Variants in STYK1 observed in about 807,000 individuals in gnomAD.
STYK1 encodes STY kinase 1.
In STYK1, 46 loss-of-function variants were observed where a neutral mutation model predicts 48.1. The ratio of observed to expected loss-of-function variants is 0.96; its 90% CI spans 0.75 to 1.22. The LOEUF (loss-of-function observed/expected upper bound fraction) is 1.22, where lower values mean the gene tolerates loss of function less well. Ranked by LOEUF, STYK1 falls within the 50% of genes most tolerant of loss-of-function variation. The probability of loss-of-function intolerance (pLI) is 0.00; values close to 1 mark genes in which losing one functional copy is unlikely to be tolerated. For synonymous variants in STYK1, 188 were observed against 189.0 expected (o/e 0.99, Z 0.04); for missense variants, 527 against 521.1 (o/e 1.01, Z -0.11).
At chr12:10,640,448 G>T (rs541085179) in intron 1 of STYK1, among the ~76,000 whole-genome samples, 3 of 152,118 alleles carry the variant, frequency 2.0e-5, no homozygotes, top group African/African-American at 7.2e-5. Context: ...CAGGGAGGAG[G>T]TTATCTAAGA....
intron 1 of STYK1, among the ~76,000 whole-genome samples, chr12:10,665,268 A>G (rs961787872): frequency 6.6e-6 from 1 of 152,242 alleles, no homozygotes; most frequent in African/African-American, 2.4e-5. Context: ...AAATGTAAGA[A>G]CAGCAACCCT....
rs772165445 is a variant in STYK1 at position 10,634,601 on chromosome 12, C to A, written c.18G>T (p.Met6Ile). Residue 6 changes from methionine to isoleucine, a missense_variant, in exon 3 of 11, where the codon ATG (methionine) becomes ATT (isoleucine). Physicochemically the swap from Met to Ile is conservative, Grantham distance 10. Transcript: ENST00000075503. ...TGTCACTGAGACTGCATTCCAGGAGCATCCGTGTCATGCCCATTGCCACAG... is the reference window on the plus strand; with the variant it reads ...TGTCACTGAGACTGCATTCCAGGAGAATCCGTGTCATGCCCATTGCCACAG... The part of the protein sequence containing the change: MGMTR[M>I]LLECSLSDKL... The A allele has an allele frequency of 2.5e-6, 4 of 1,614,172 alleles. No individual in the cohort carries two copies. The highest frequency in any genetic ancestry group is 1.7e-5 in the Admixed American group (1 of 60,022).
chr12:10,657,637 G>A (rs1947732999), intron 1 of STYK1, among the ~76,000 whole-genome samples: 1 of 152,112 alleles, frequency 6.6e-6, no homozygotes, highest in Non-Finnish European at 1.5e-5. Context: ...AAATTGTTTG[G>A]TATACCTGCT....
intron 1 of STYK1, among the ~76,000 whole-genome samples, chr12:10,658,862 T>C (rs1182159495): frequency 6.6e-6 from 1 of 152,202 alleles, no homozygotes; most frequent in Non-Finnish European, 1.5e-5. Flanking sequence ...ATAATATTAT[T>C]GTGTGCCACA....
intron 2 of STYK1, 34 bp from the exon 3 acceptor site, chr12:10,634,720 T>A: frequency 2.9e-6 from 4 of 1,359,666 alleles, no homozygotes; most frequent in Admixed American, 2.0e-5. Flanking sequence ...AAAAATAAAA[T>A]GAATGAAAAA....
intron 1 of STYK1, among the ~76,000 whole-genome samples, chr12:10,643,539 A>T (rs4763570): frequency 0.95 from 144,312 of 152,268 alleles, 68,849 homozygotes; most frequent in East Asian, 1. Flanking sequence ...CCAGCCTTAT[A>T]CCAAGTCATT....
intron 1 of STYK1, among the ~76,000 whole-genome samples, chr12:10,661,968 AT>A (rs1363228485): frequency 1.3e-5 from 2 of 152,168 alleles, no homozygotes; most frequent in Non-Finnish European, 2.9e-5. Flanking sequence ...ATTTTAGAAT[AT>A]TTCCGTTACC....
chr12:10,644,089 G>T (rs779056516), intron 1 of STYK1, among the ~76,000 whole-genome samples: 6 of 152,186 alleles, frequency 3.9e-5, no homozygotes, highest in Admixed American at 6.5e-5. Flanking sequence ...AGTCTCAAAA[G>T]GTTACATGCT....
At chr12:10,669,743 T>C (rs1233529889) in intron 1 of STYK1, among the ~76,000 whole-genome samples, 2 of 152,130 alleles carry the variant, frequency 1.3e-5, no homozygotes, top group African/African-American at 2.4e-5. Context: ...ATCCGGTAAG[T>C]GATTAATATC....
chr12:10,630,071 G>C (rs1156833504), intron 5 of STYK1, among the ~76,000 whole-genome samples: 3 of 129,156 alleles, frequency 2.3e-5, no homozygotes, highest in African/African-American at 3.9e-5. Context: ...GAGAGAGAGA[G>C]AGAGAGAGAG....
At position 10,633,683 on chromosome 12, in the gene STYK1, G is replaced by C. The variant is rs185284552; in HGVS notation, c.187+307C>G. On this transcript the variant is annotated intron_variant, in intron 4 of 10. Transcript: ENST00000075503. ...TAAAGCCTTGGACTTTACCCCCTTA[G>C]GTCTTTCTCCTAGGTCCTTAGGCAC... 1.3e-4 allele frequency among the ~76,000 whole-genome samples: 20 copies of C among 152,162 alleles called. No homozygotes were observed. In the East Asian group the frequency reaches 3.7e-3, roughly 28 times the overall value.
At position 10,672,897 on chromosome 12, in the gene STYK1, T is replaced by C. The variant is rs1947904871; in HGVS notation, c.-195+1069A>G. On this transcript the variant is annotated intron_variant, in intron 1 of 10. Coordinates refer to ENST00000075503, the MANE Select transcript of STYK1 (RefSeq NM_018423.3). The surrounding 1 kb of genome is among the most constrained non-coding windows in gnomAD (Gnocchi z 4.0). ...CCCCTAGCTAGCTGTCAGTGGAGATTCCGGTGCATTGAGGGGGAAAAACCA... is the reference window on the plus strand; with the variant it reads ...CCCCTAGCTAGCTGTCAGTGGAGATCCCGGTGCATTGAGGGGGAAAAACCA... Among the ~76,000 whole-genome samples, 1 of 152,072 alleles carries C rather than the reference T, an allele frequency of 6.6e-6. No individual in the cohort carries two copies. The highest frequency in any genetic ancestry group is 6.5e-5 in the Admixed American group (1 of 15,270).
intron 1 of STYK1, among the ~76,000 whole-genome samples, chr12:10,661,953 A>G (rs1161627665): frequency 6.6e-6 from 1 of 152,162 alleles, no homozygotes; most frequent in African/African-American, 2.4e-5. Context: ...CATCACCACT[A>G]CCTTATTTTA....
Position 10,672,309 on chromosome 12 carries a change from T to A in STYK1, c.-195+1657A>T, listed in dbSNP as rs1947899223. ...AGGCAGGTGAGCCAGCAAAGCTTCA[T>A]CTGCATTTACAGCCACTCCCCATCG... On this transcript the variant is annotated intron_variant, in intron 1 of 10. Coordinates refer to ENST00000075503, the MANE Select transcript of STYK1 (RefSeq NM_018423.3). This position sits in a 1 kb window ranked among gnomAD's most constrained non-coding sequence, Gnocchi z 4.0. Among the ~76,000 whole-genome samples the A allele has an allele frequency of 6.6e-6, 1 of 152,212 alleles. No individual in the cohort carries two copies. Among genetic ancestry groups the A allele is most frequent in the Non-Finnish European group, 1.5e-5 (1 of 68,040 alleles).
Position 10,659,699 on chromosome 12 carries a change from T to C in STYK1, c.-195+14267A>G, listed in dbSNP as rs558781624. ...TTTAAAAGTCTTATCTGAAATTACTTATGGAATAAAGTTTCATCAGAGCTA... is the reference window on the plus strand; with the variant it reads ...TTTAAAAGTCTTATCTGAAATTACTCATGGAATAAAGTTTCATCAGAGCTA... On this transcript the variant is annotated intron_variant, in intron 1 of 10. Transcript: ENST00000075503. Among the ~76,000 whole-genome samples, 57 of 152,326 alleles carry C rather than the reference T, an allele frequency of 3.7e-4. 2 individuals carry two copies. The highest frequency in any genetic ancestry group is 3.7e-3 in the Admixed American group (57 of 15,302).
At chr12:10,622,037 T>G in intron 9 of STYK1, 65 bp from the exon 10 acceptor site, 1 of 1,439,552 alleles carries the variant, frequency 6.9e-7, no homozygotes, top group Non-Finnish European at 9.7e-7. Flanking sequence ...CTAACACTAT[T>G]CTTCATCCAC....
At chr12:10,649,337 A>G (rs1169940642) in intron 1 of STYK1, among the ~76,000 whole-genome samples, 2 of 152,360 alleles carry the variant, frequency 1.3e-5, no homozygotes, top group East Asian at 1.9e-4. Context: ...ACTAATTTTC[A>G]TCAAAAGGAG....
At chr12:10,646,892 C>G (rs1429618563) in intron 1 of STYK1, among the ~76,000 whole-genome samples, 1 of 152,182 alleles carries the variant, frequency 6.6e-6, no homozygotes. Flanking sequence ...AAGCCCCAAG[C>G]CTTGGCAGCT....
intron 1 of STYK1, among the ~76,000 whole-genome samples, chr12:10,650,775 C>T (rs1245332026): frequency 1.1e-4 from 16 of 151,926 alleles, no homozygotes; most frequent in East Asian, 3.9e-4. Context: ...CGGAGGCAGG[C>T]GGATGACCTG....
Sources: allele counts gnomAD v4.1 joint callset (sites outside exome capture counted in the v4.1 genomes callset), GRCh38; gene constraint gnomAD v4.1.1; non-coding constraint Gnocchi (gnomAD v3.1); transcripts MANE v1.5; gene names NCBI Gene and HGNC (gene_info 2026-07-23, HGNC 2026-07-21).